Variants in GET4 observed in about 807,000 individuals in gnomAD.
GET4 encodes Golgi to ER traffic protein 4 homolog.
Under a neutral mutation model 40.0 loss-of-function variants are expected in GET4, and 20 were observed. The ratio of observed to expected loss-of-function variants is 0.50; its 90% CI spans 0.35 to 0.73. GET4 has a LOEUF of 0.73. GET4 is among the 30% of genes least tolerant of loss of function. The probability of loss-of-function intolerance (pLI) is 0.01; values close to 1 mark genes in which losing one functional copy is unlikely to be tolerated. For missense variants in GET4, 557 were observed against 454.0 expected, an observed-to-expected ratio of 1.23 and a Z score of -2.06; for synonymous variants, 280 against 194.6, an observed-to-expected ratio of 1.44 and a Z score of -3.65.
intron 1 of GET4, chr7:880,360 C>T (rs1844059340): frequency 1.3e-5 from 2 of 152,212 alleles, no homozygotes; most frequent in Admixed American, 6.5e-5. Flanking sequence ...TAAATATTTG[C>T]CCAGTGATTA....
In GET4 at chr7:881,688, G is replaced by A. The variant is rs186843506; in HGVS notation, c.156-4368G>A. 3.1e-3 allele frequency: 470 copies of A among 152,256 alleles called. 3 individuals are homozygous for A. Among genetic ancestry groups the A allele is most frequent in the African/African-American group, 0.01 (428 of 41,536 alleles). 9.4% of individuals were successfully genotyped at this position (152,256 alleles called of 1,614,324 possible). On this transcript the variant is annotated intron_variant, in intron 1 of 8. Transcript: ENST00000265857. ...TTGATTTATTTTTAAATATGCTAAT[G>A]TTTATTTTAGCCTCAGGTCTGTGTG... is the stretch of plus-strand genomic sequence containing the variant.
chr7:886,925 C>T, intron 3 of GET4: 1 of 541,460 alleles, frequency 1.8e-6, no homozygotes, highest in East Asian at 3.2e-5. Context: ...GGACAGTGGC[C>T]TCCCCGCCAG....
chr7:891,937 G>T (rs892425297), intron 5 of GET4, among the ~76,000 whole-genome samples: 1 of 152,282 alleles, frequency 6.6e-6, no homozygotes, highest in Non-Finnish European at 1.5e-5. Flanking sequence ...GCTGGGCCAT[G>T]GCGGAGTGTT....
Position 895,650 on chromosome 7 carries a change from C to A in GET4, c.*228C>A. 2.5e-6 allele frequency: 1 copy of A among 406,372 alleles called. No homozygotes were observed. The highest frequency in any genetic ancestry group is 4.5e-6 in the Non-Finnish European group (1 of 224,218). 25.2% of individuals were successfully genotyped at this position (406,372 alleles called of 1,614,324 possible). A position where few individuals can be genotyped will look rare whatever the true frequency, so the allele number is the denominator to read the frequency against. On this transcript the variant is annotated 3_prime_UTR_variant, in exon 9 of 9. Transcript: ENST00000265857. Reference sequence around the variant, plus strand: ...GTCGCCCCTGCTGGCCGCCGCGTCCCCCGAGATTGACCCACAATAAAGCAC... The same window carrying A: ...GTCGCCCCTGCTGGCCGCCGCGTCCACCGAGATTGACCCACAATAAAGCAC...
At chr7:877,439 C>G (rs1386821728) in intron 1 of GET4, among the ~76,000 whole-genome samples, 3 of 107,324 alleles carry the variant, frequency 2.8e-5, no homozygotes, top group Non-Finnish European at 6.0e-5. Context: ...GCCCTCACTC[C>G]CGTCTCTCTA....
intron 8 of GET4, among the ~76,000 whole-genome samples, chr7:894,705 T>TGGGGTGACGTCGTGGATAAGAG (rs1844432906): frequency 6.6e-6 from 1 of 152,160 alleles, no homozygotes. Context: ...TGTCCTGAGA[T>TGGGGTGACGTCGTGGATAAGAG]GGGGTGACGT....
chr7:886,698 T>A (rs1844195291), intron 3 of GET4, 48 bp downstream of exon 3: 1 of 1,210,308 alleles, frequency 8.3e-7, no homozygotes, highest in Admixed American at 1.7e-5. Flanking sequence ...GCGGCCCCAG[T>A]ACGCCCCTCC....
chr7:892,552 G>A, intron 6 of GET4, 134 bp downstream of exon 6: 2 of 879,784 alleles, frequency 2.3e-6, no homozygotes, highest in Non-Finnish European at 1.8e-6. Flanking sequence ...TATGCATAGG[G>A]TATGAGTGCT....
At chr7:878,926 G>C (rs1331963492) in intron 1 of GET4, among the ~76,000 whole-genome samples, 1 of 152,048 alleles carries the variant, frequency 6.6e-6, no homozygotes, top group Non-Finnish European at 1.5e-5. Context: ...GCAAAATGGA[G>C]TGTGGTGTGT....
At position 895,395 on chromosome 7, in the gene GET4, C is replaced by T. The variant is rs144524340; in HGVS notation, c.957C>T (p.Ser319=). ...AGGAGGATGGGGAGGAGAGCCCCAG[C>T]GACGGCAGCCCCATCGAGCTGGACT... ...SEQEDGEESP[S]DGSPIELD is the part of the protein sequence containing the mutation. The change falls in exon 9 of 9, where the codon AGC becomes AGT. Residue 319 remains serine (S), a synonymous_variant. Transcript: ENST00000265857. The T allele has an allele frequency of 5.2e-4, 834 of 1,590,978 alleles. 1 individual carries two copies. The highest frequency in any genetic ancestry group is 6.6e-4 in the Non-Finnish European group (767 of 1,161,016).
Position 896,023 on chromosome 7 carries a change from C to T in GET4, c.*601C>T, listed in dbSNP as rs1030835907. On this transcript the variant is annotated 3_prime_UTR_variant, in exon 9 of 9. Coordinates refer to ENST00000265857, the MANE Select transcript of GET4 (RefSeq NM_015949.3). Reference sequence around the variant, plus strand: ...GGACGGTGCCTACGGGTACTTGCAGCTGTGTCCCATGTGGCATCCCAGAGC... The same window carrying T: ...GGACGGTGCCTACGGGTACTTGCAGTTGTGTCCCATGTGGCATCCCAGAGC... The T allele has an allele frequency of 6.6e-6, 1 of 152,244 alleles. No homozygotes were observed. The highest frequency in any genetic ancestry group is 2.4e-5 in the African/African-American group (1 of 41,462). 9.4% of individuals were successfully genotyped at this position (152,244 alleles called of 1,614,324 possible). A position where few individuals can be genotyped will look rare whatever the true frequency, so the allele number is the denominator to read the frequency against.
intron 8 of GET4, among the ~76,000 whole-genome samples, chr7:894,956 C>G (rs953454715): frequency 6.6e-6 from 1 of 152,028 alleles, no homozygotes; most frequent in Non-Finnish European, 1.5e-5. Flanking sequence ...GCTCTACAGC[C>G]CCACTTCTCT....
At chr7:890,335 CG>C (rs1171902798) in intron 4 of GET4, among the ~76,000 whole-genome samples, 3 of 38,416 alleles carry the variant, frequency 7.8e-5, no homozygotes, top group African/African-American at 1.2e-4. Flanking sequence ...GGTGTCAGGA[CG>C]GGGTCTGGGA....
At position 876,609 on chromosome 7, in the gene GET4, C is replaced by T. The variant is rs1437739820; in HGVS notation, c.-37C>T. The T allele has an allele frequency of 6.8e-6, 8 of 1,168,334 alleles. No homozygotes were observed. Among genetic ancestry groups the T allele is most frequent in the Non-Finnish European group, 8.5e-6 (8 of 942,694 alleles). 72.4% of individuals were successfully genotyped at this position (1,168,334 alleles called of 1,614,324 possible). The stretch of plus-strand genomic sequence containing the variant: ...AGCCGGGAGGCGCTGCCGACCGCGC[C>T]TGCGACAGCGTCAGCCCTGCGCGGA... On this transcript the variant is annotated 5_prime_UTR_variant, in exon 1 of 9. Transcript: ENST00000265857.
rs529285403 is a variant in GET4, at chr7:894,973, A to T, written c.896-361A>T. ...TCTACAGCCCCACTTCTCTGCTCAA[A>T]AATCTCTTTCCGTGAGGTGGTGTTG... On this transcript the variant is annotated intron_variant, in intron 8 of 8. Coordinates refer to ENST00000265857, the MANE Select transcript of GET4 (RefSeq NM_015949.3). 1.0e-3 allele frequency among the ~76,000 whole-genome samples: 157 copies of T among 151,912 alleles called. 1 individual carries two copies. The highest frequency in any genetic ancestry group is 3.7e-3 in the African/African-American group (154 of 41,472).
intron 6 of GET4, among the ~76,000 whole-genome samples, chr7:893,024 TGTA>T: frequency 7.0e-6 from 1 of 142,628 alleles, no homozygotes; most frequent in African/African-American, 2.7e-5. Flanking sequence ...AGGTGAGGGG[TGTA>T]GGCGTGTGTG....
At chr7:888,946 G>A (rs776683306) in intron 4 of GET4, among the ~76,000 whole-genome samples, 32 of 152,362 alleles carry the variant, frequency 2.1e-4, no homozygotes, top group Middle Eastern at 6.8e-3. Flanking sequence ...CTGGGTGGCC[G>A]CCCTCGCCAC....
intron 4 of GET4, among the ~76,000 whole-genome samples, chr7:888,014 A>C (rs1399286712): frequency 6.6e-6 from 1 of 152,048 alleles, no homozygotes. Context: ...ATATTCATTG[A>C]GTGACTTGAA....
chr7:886,687 A>G (rs996352058), intron 3 of GET4, 37 bp downstream of exon 3: 14 of 1,389,134 alleles, frequency 1.0e-5, no homozygotes, highest in Non-Finnish European at 1.4e-5. Context: ...ACCCTGTGAC[A>G]GCGGCCCCAG....
Sources: allele counts gnomAD v4.1 joint callset (sites outside exome capture counted in the v4.1 genomes callset), GRCh38; gene constraint gnomAD v4.1.1; transcripts MANE v1.5; gene names NCBI Gene and HGNC (gene_info 2026-07-23, HGNC 2026-07-21).